CDH18: variants seen among roughly 807,000 people sequenced by gnomAD.
CDH18 encodes cadherin 18.
Under a neutral mutation model 67.9 loss-of-function variants are expected in CDH18, and 31 were observed. That is an observed-to-expected ratio of 0.46 (90% CI 0.34 to 0.62). CDH18 has a LOEUF of 0.62. Ranked by LOEUF, CDH18 falls within the 20% of genes least tolerant of loss-of-function variation. The probability of loss-of-function intolerance (pLI) is 0.01; values close to 1 mark genes in which losing one functional copy is unlikely to be tolerated. For synonymous variants in CDH18, 362 were observed against 347.2 expected (o/e 1.04, Z -0.48); for missense variants, 890 against 975.5 (o/e 0.91, Z 1.17).
chr5:20,373,325 T>A (rs1218019471), intron 1 of CDH18, among the ~76,000 whole-genome samples: 1 of 152,150 alleles, frequency 6.6e-6, no homozygotes, highest in African/African-American at 2.4e-5. Context: ...ATGCTTCAGT[T>A]TCCTTTCTAC....
At chr5:20,237,553 C>T (rs1508576) in intron 2 of CDH18, among the ~76,000 whole-genome samples, 106,115 of 151,384 alleles carry the variant, frequency 0.7, 37,831 homozygotes, top group African/African-American at 0.85. Flanking sequence ...AAATGTCTTG[C>T]CATTTATAAC....
At chr5:20,256,745 GA>G (rs1744262394) in intron 1 of CDH18, among the ~76,000 whole-genome samples, 1 of 152,032 alleles carries the variant, frequency 6.6e-6, no homozygotes, top group East Asian at 1.9e-4. Flanking sequence ...GTATCTAAGA[GA>G]AAAAAATCTG....
rs540734415 is a variant in CDH18, at chr5:20,433,899, T to C, written c.-580+141563A>G. Among the ~76,000 whole-genome samples, 12 of 152,248 alleles carry C rather than the reference T, an allele frequency of 7.9e-5. No individual in the cohort carries two copies. In the South Asian group the frequency reaches 2.1e-3, roughly 26 times the overall value. ...GAGAGTAGAAACGTGTATACTCTTGTACTATAAAAGCTGAGTAAAGAAAAC... is the reference window on the plus strand; with the variant it reads ...GAGAGTAGAAACGTGTATACTCTTGCACTATAAAAGCTGAGTAAAGAAAAC... On this transcript the variant is annotated intron_variant, in intron 1 of 14. Coordinates refer to the CDH18 transcript ENST00000507958.
chr5:19,895,678 A>G (rs572354575), intron 2 of CDH18, among the ~76,000 whole-genome samples: 3 of 152,336 alleles, frequency 2.0e-5, no homozygotes, highest in Admixed American at 2.0e-4. Flanking sequence ...TGGCTCAGCA[A>G]TAAGAAAATA....
At chr5:20,389,645 T>C (rs1237295536) in intron 1 of CDH18, among the ~76,000 whole-genome samples, 1 of 152,024 alleles carries the variant, frequency 6.6e-6, no homozygotes, top group Non-Finnish European at 1.5e-5. Context: ...TACTTTAAAG[T>C]TCATATGGAA....
At chr5:19,837,414 T>TA (rs570111561) in intron 3 of CDH18, among the ~76,000 whole-genome samples, 40 of 148,604 alleles carry the variant, frequency 2.7e-4, no homozygotes, top group East Asian at 5.9e-4. Flanking sequence ...ATAATTTTTT[T>TA]AAAAAAAAAA....
In CDH18 at chr5:19,865,896, G is replaced by A. The variant is rs184313467; in HGVS notation, c.-256-26654C>T. Among the ~76,000 whole-genome samples the A allele has an allele frequency of 1.3e-4, 20 of 152,218 alleles. 1 individual carries two copies. Among genetic ancestry groups the A allele is most frequent in the Admixed American group, 3.9e-4 (6 of 15,280 alleles). ...TTCTCTCTGCTTTTGACTATTAAATGTATTTGATTCCTTAGCTGTATTGTC... is the reference window on the plus strand; with the variant it reads ...TTCTCTCTGCTTTTGACTATTAAATATATTTGATTCCTTAGCTGTATTGTC... On this transcript the variant is annotated intron_variant, in intron 2 of 12. Transcript: ENST00000382275.
At chr5:19,940,285 C>T (rs967914537) in intron 2 of CDH18, among the ~76,000 whole-genome samples, 14 of 151,696 alleles carry the variant, frequency 9.2e-5, no homozygotes, top group African/African-American at 2.2e-4. Context: ...TCAATAGGTT[C>T]TAAATATTGT....
At chr5:19,763,202 C>A (rs1177849315) in intron 3 of CDH18, among the ~76,000 whole-genome samples, 2 of 152,148 alleles carry the variant, frequency 1.3e-5, no homozygotes, top group Non-Finnish European at 2.9e-5. Context: ...ACATATGTGA[C>A]AAACCTGCAC....
At chr5:19,995,652 G>A (rs1735947783) in intron 2 of CDH18, among the ~76,000 whole-genome samples, 1 of 148,266 alleles carries the variant, frequency 6.7e-6, no homozygotes, top group South Asian at 2.2e-4. Flanking sequence ...GTCTAGTATA[G>A]TCTTTGGCAT....
intron 2 of CDH18, among the ~76,000 whole-genome samples, chr5:20,024,829 A>C (rs1317503065): frequency 6.6e-6 from 1 of 152,162 alleles, no homozygotes; most frequent in Non-Finnish European, 1.5e-5. Flanking sequence ...AGCCATGTAG[A>C]ATACTTAGAA....
chr5:19,599,146 A>G (rs1023539362), intron 6 of CDH18, among the ~76,000 whole-genome samples: 1 of 152,112 alleles, frequency 6.6e-6, no homozygotes, highest in Non-Finnish European at 1.5e-5. Context: ...TATAATTTCC[A>G]TATATGTGTG....
At chr5:19,696,824 C>G (rs1401088836) in intron 5 of CDH18, among the ~76,000 whole-genome samples, 1 of 152,218 alleles carries the variant, frequency 6.6e-6, no homozygotes, top group Non-Finnish European at 1.5e-5. Flanking sequence ...ATGATAAGCT[C>G]AAACACATTT....
intron 5 of CDH18, among the ~76,000 whole-genome samples, chr5:19,655,397 T>C (rs868108483): frequency 1.8e-4 from 28 of 151,796 alleles, no homozygotes; most frequent in Middle Eastern, 3.5e-3. Context: ...AGTTGTTGCA[T>C]TAGTGAATAT....
intron 2 of CDH18, among the ~76,000 whole-genome samples, chr5:19,897,990 T>G (rs1255409197): frequency 6.6e-6 from 1 of 152,120 alleles, no homozygotes; most frequent in Non-Finnish European, 1.5e-5. Context: ...CATTGAGTCG[T>G]ACTTATGATA....
At chr5:20,036,004 G>A (rs766619613) in intron 2 of CDH18, among the ~76,000 whole-genome samples, 6 of 151,794 alleles carry the variant, frequency 4.0e-5, no homozygotes, top group Non-Finnish European at 8.8e-5. Flanking sequence ...TGAAGTTTGA[G>A]GGATGAAGAA....
At chr5:19,511,883 C>T (rs423924) in intron 10 of CDH18, among the ~76,000 whole-genome samples, 30,570 of 152,030 alleles carry the variant, frequency 0.2, 3,372 homozygotes, top group African/African-American at 0.27. Flanking sequence ...GTGTAAGTAT[C>T]GAGGAGCCAA....
chr5:20,148,242 T>C (rs2126555126), intron 2 of CDH18, among the ~76,000 whole-genome samples: 1 of 151,744 alleles, frequency 6.6e-6, no homozygotes, highest in South Asian at 2.1e-4. Context: ...CAGACGCCCA[T>C]CACCATACCC....
intron 1 of CDH18, among the ~76,000 whole-genome samples, chr5:20,376,107 T>G (rs1216089043): frequency 1.4e-4 from 16 of 112,930 alleles, no homozygotes; most frequent in African/African-American, 4.9e-4. Flanking sequence ...TTTTTTTTTT[T>G]TTTTGAGACG....
Sources: allele counts gnomAD v4.1 joint callset (sites outside exome capture counted in the v4.1 genomes callset), GRCh38; gene constraint gnomAD v4.1.1; transcripts MANE v1.5; gene names NCBI Gene and HGNC (gene_info 2026-07-23, HGNC 2026-07-21).